The following IQGAP3 variants were observed in gnomAD, a reference collection of about 807,000 sequenced individuals.
The protein encoded by IQGAP3 is ras GTPase-activating-like protein IQGAP3.
In IQGAP3, 165 loss-of-function variants were observed where a neutral mutation model predicts 208.2. That is an observed-to-expected ratio of 0.79 (90% confidence interval 0.70 to 0.90). IQGAP3 has a LOEUF of 0.90. Among genes scored for constraint, IQGAP3 ranks in the 40% least tolerant of loss-of-function variants. IQGAP3 has a pLI of 0.00. For missense variants in IQGAP3, 1,811 were observed against 2,043.1 expected (o/e 0.89, Z 2.19); for synonymous variants, 703 against 803.6 (o/e 0.87, Z 2.12).
rs1391470130 is a variant in IQGAP3 at position 156,535,234 on chromosome 1, A to G, written c.3436T>C (p.Tyr1146His). 14 of 1,611,988 alleles carry G rather than the reference A, an allele frequency of 8.7e-6. No individual in the cohort carries two copies. The Admixed American group carries it at 2.2e-4, about 25-fold the overall frequency. The change falls in exon 28 of 38, where the codon TAT (tyrosine) becomes CAT (histidine). Residue 1146 changes from tyrosine to histidine, a missense_variant. Tyr to His is a moderately conservative substitution (Grantham distance 83, BLOSUM62 2). Coordinates refer to ENST00000361170, the MANE Select transcript of IQGAP3 (RefSeq NM_178229.5). ...GTTGCCTTCAGGACTTTGGCCACATATCGCATCCCATACCTGGGGACAAAG... is the reference window on the plus strand; with the variant it reads ...GTTGCCTTCAGGACTTTGGCCACATGTCGCATCCCATACCTGGGGACAAAG... The part of the protein sequence containing the change: ...SVDQIPYGMR[Y>H]VAKVLKATLA...
chr1:156,544,207 C>T lies in IQGAP3; in HGVS notation c.2405G>A (p.Arg802Gln), dbSNP rs560536788. 91 of 1,614,118 alleles carry T rather than the reference C, an allele frequency of 5.6e-5. 1 individual carries two copies. In the South Asian group the frequency reaches 5.8e-4, roughly 10 times the overall value. The change falls in exon 21 of 38, where the codon CGG (arginine) becomes CAG (glutamine). Residue 802 changes from arginine to glutamine, a missense_variant. Physicochemically the swap from Arg to Gln is conservative, Grantham distance 43 (BLOSUM62 1). Transcript: ENST00000361170. ...DAIIKIQAWA[R>Q]MWAARRQYLR... is the part of the protein sequence containing the mutation. ...GTATTGCCTCCGAGCTGCCCACATC[C>T]GGGCCCAGGCCTGGATCTGGGAGAA...
intron 22 of IQGAP3, among the ~76,000 whole-genome samples, chr1:156,542,526 G>T (rs2102387418): frequency 6.6e-6 from 1 of 152,260 alleles, no homozygotes; most frequent in African/African-American, 2.4e-5. Context: ...AAGGGTAGAG[G>T]CCAAGACAAT....
In IQGAP3 at chr1:156,548,661, G is replaced by C. The variant is rs200872033; in HGVS notation, c.1913C>G (p.Ala638Gly). 2.5e-6 allele frequency: 4 copies of C among 1,612,376 alleles called. No homozygotes were observed. In the South Asian group the frequency reaches 4.4e-5, roughly 18 times the overall value. The change falls in exon 17 of 38, where the codon GCC becomes GGC. Residue 638 changes from alanine (A) to glycine (G), a missense_variant. Physicochemically the swap from Ala to Gly is moderately conservative, Grantham distance 60. Transcript: ENST00000361170. Reference sequence around the variant, plus strand: ...ACAGTCGGGAACTACCCCTCGAAGGGCCACTGCGGGGTTCCTCAACACCCG... The same window carrying C: ...ACAGTCGGGAACTACCCCTCGAAGGCCCACTGCGGGGTTCCTCAACACCCG... ...TERVLRNPAV[A>G]LRGVVPDCAN...
intron 34 of IQGAP3, 70 bp downstream of exon 34, chr1:156,530,035 T>G (rs922660390): frequency 1.6e-6 from 2 of 1,271,386 alleles, no homozygotes; most frequent in Non-Finnish European, 1.1e-6. Flanking sequence ...ACACTATGGA[T>G]TAACATGTAT....
intron 13 of IQGAP3, 93 bp from the exon 14 acceptor site, chr1:156,552,188 C>A: frequency 7.0e-7 from 1 of 1,438,660 alleles, no homozygotes; most frequent in South Asian, 1.3e-5. Context: ...TTCACTTGAC[C>A]TCCAGGACAC....
chr1:156,539,891 T>G lies in IQGAP3; in HGVS notation c.2839A>C (p.Lys947Gln), dbSNP rs770281482. 3.1e-6 allele frequency: 5 copies of G among 1,614,066 alleles called. No homozygotes were observed. In the African/African-American group the frequency reaches 6.7e-5, roughly 22 times the overall value. Residue 947 changes from lysine (K) to glutamine (Q), a missense_variant, in exon 24 of 38, where the codon AAA (lysine) becomes CAA (glutamine). Coordinates refer to ENST00000361170, the MANE Select transcript of IQGAP3 (RefSeq NM_178229.5). ...DKQKGLKSLS[K>Q]EKRQKLEAYQ... ...GCTTCTAGTTTCTGCCGTTTCTCTT[T>G]GCTCAGCGACTTTAAACCCTTCTGC...
At position 156,550,270 on chromosome 1, in the gene IQGAP3, C is replaced by T. The variant is rs1299231398; in HGVS notation, c.1816G>A (p.Ala606Thr). ...CAACCAGTCCATTTACTTCTCTGAG[C>T]TGTATTAGTGTCCTGGTTGGCTCTG... ...VVRANQDTNT[A>T]QRMALGVAAI... is the part of the protein sequence containing the mutation. The change falls in exon 16 of 38, where the codon GCT becomes ACT. Residue 606 changes from alanine (A) to threonine (T), a missense_variant. Coordinates refer to ENST00000361170, the MANE Select transcript of IQGAP3 (RefSeq NM_178229.5). 6.2e-7 allele frequency: 1 copy of T among 1,611,252 alleles called. No homozygotes were observed. Among genetic ancestry groups the T allele is most frequent in the Non-Finnish European group, 8.5e-7 (1 of 1,177,762 alleles).
Position 156,566,066 on chromosome 1 carries a change from G to A in IQGAP3, c.321C>T (p.Asn107=), listed in dbSNP as rs757337568. The change falls in exon 4 of 38, where the codon AAC becomes AAT. Residue 107 remains asparagine, a synonymous_variant. Transcript: ENST00000361170. ...GLHFRHTDNI[N]FWLSAIAHIG... ...TGTGGGCTATTGCAGATAGCCAAAA[G>A]TTGATGTTGTCTGTGTGACGGAAAT... 64 of 1,613,836 alleles carry A rather than the reference G, an allele frequency of 4.0e-5. No homozygotes were observed. Among genetic ancestry groups the A allele is most frequent in the Non-Finnish European group, 5.4e-5 (64 of 1,179,876 alleles).
In IQGAP3 at chr1:156,533,989, TC is replaced by T. The variant is rs1297927410; in HGVS notation, c.3873+19del. 5.6e-6 allele frequency: 9 copies of T among 1,612,958 alleles called. No homozygotes were observed. In the African/African-American group the frequency reaches 1.2e-4, roughly 22 times the overall value. ...ACCCTTGCCCACCCAGCCAACACCC[TC>T]CAGATCTCAGCCCCTCACCCTGTGC... On this transcript the variant is annotated intron_variant, in intron 30 of 37. Transcript: ENST00000361170.
At position 156,531,294 on chromosome 1, in the gene IQGAP3, G is replaced by A. The variant is rs1423385428; in HGVS notation, c.4104-47C>T. On this transcript the variant is annotated intron_variant, in intron 32 of 37. Transcript: ENST00000361170. ...AGAGGAGAGGTAAGGGGCAGGGGAA[G>A]GGCCTGGACATGGGACTGGCCAGAG... is the stretch of plus-strand genomic sequence containing the variant. 8 of 1,463,456 alleles carry A rather than the reference G, an allele frequency of 5.5e-6. 1 individual carries two copies. Among genetic ancestry groups the A allele is most frequent in the Non-Finnish European group, 4.8e-6 (5 of 1,043,412 alleles). The allele number at this position is 1,463,456 out of a possible 1,614,324, so 90.7% of individuals were successfully genotyped here. A position where few individuals can be genotyped will look rare whatever the true frequency, so the allele number is the denominator to read the frequency against.
chr1:156,531,248 C>T lies in IQGAP3; in HGVS notation c.4104-1G>A, dbSNP rs1433823268. On this transcript the variant is annotated splice_acceptor_variant, in intron 32 of 37. Transcript: ENST00000361170. LOFTEE classifies it high-confidence loss of function. Reference sequence around the variant, plus strand: ...GATATCGGCCAACAGCTGCTTGGTGCTGCACAAGGAGGACAGTGACAGAGG... The same window carrying T: ...GATATCGGCCAACAGCTGCTTGGTGTTGCACAAGGAGGACAGTGACAGAGG... The T allele has an allele frequency of 6.2e-7, 1 of 1,612,610 alleles. No homozygotes were observed. Among genetic ancestry groups the T allele is most frequent in the Admixed American group, 1.7e-5 (1 of 59,992 alleles).
Position 156,534,685 on chromosome 1 carries a change from C to T in IQGAP3, c.3556G>A (p.Ala1186Thr), listed in dbSNP as rs1044631921. 4.3e-6 allele frequency: 7 copies of T among 1,609,462 alleles called. No individual in the cohort carries two copies. Among genetic ancestry groups the T allele is most frequent in the Non-Finnish European group, 5.9e-6 (7 of 1,178,596 alleles). Residue 1186 changes from alanine to threonine, a missense_variant, in exon 29 of 38, where the codon GCT becomes ACT. Ala to Thr is a moderately conservative substitution (Grantham distance 58). Coordinates refer to ENST00000361170, the MANE Select transcript of IQGAP3 (RefSeq NM_178229.5). ...GCCACAATGTCGAAGGCGTCAGGAG[C>T]CACCACAGCTGGGTTCAGGAAGCGG... is the stretch of plus-strand genomic sequence containing the variant. ...YYRFLNPAVV[A>T]PDAFDIVAMA...
chr1:156,566,714 C>T (rs1337873779), intron 2 of IQGAP3, among the ~76,000 whole-genome samples, 168 bp from the exon 3 acceptor site: 1 of 152,104 alleles, frequency 6.6e-6, no homozygotes, highest in African/African-American at 2.4e-5. Context: ...TGGCTGTTCC[C>T]ACCTTCTCCT....
chr1:156,533,978 AG>A, intron 30 of IQGAP3, 30 bp downstream of exon 30: 1 of 1,612,406 alleles, frequency 6.2e-7, no homozygotes, highest in East Asian at 2.2e-5. Flanking sequence ...TTGCCCACCC[AG>A]CCAACACCCT....
At chr1:156,547,313 C>G (rs1003712941) in intron 19 of IQGAP3, among the ~76,000 whole-genome samples, 5 of 152,048 alleles carry the variant, frequency 3.3e-5, no homozygotes, top group Non-Finnish European at 7.4e-5. Flanking sequence ...TAACCACCAC[C>G]ACTTCTTCGA....
chr1:156,563,950 G>A, intron 5 of IQGAP3, 126 bp from the exon 6 acceptor site: 1 of 683,520 alleles, frequency 1.5e-6, no homozygotes, highest in Non-Finnish European at 2.5e-6. Flanking sequence ...CTGCCCTCAA[G>A]TCATCCCCAA....
intron 22 of IQGAP3, among the ~76,000 whole-genome samples, 194 bp downstream of exon 22, chr1:156,543,787 C>T (rs80101461): frequency 1.3e-5 from 2 of 152,008 alleles, no homozygotes; most frequent in Non-Finnish European, 2.9e-5. Flanking sequence ...AGAACTTTCA[C>T]GTGACAAGGC....
At chr1:156,533,697 A>G (rs779767526) in intron 31 of IQGAP3, 76 bp downstream of exon 31, 8 of 1,222,236 alleles carry the variant, frequency 6.5e-6, no homozygotes, top group South Asian at 1.3e-5. Context: ...GCACGCTCAC[A>G]TGCCCTGCCT....
rs1485219399 is a variant in IQGAP3 at position 156,537,345 on chromosome 1, G to A, written c.3282-24C>T. ...GGCTATGAGCAGAGAGAGACAAGGT[G>A]TAAGCAGGAGCCCCCTCCAATGGCC... On this transcript the variant is annotated intron_variant, in intron 26 of 37. Coordinates refer to ENST00000361170, the MANE Select transcript of IQGAP3 (RefSeq NM_178229.5). 3.1e-6 allele frequency: 5 copies of A among 1,590,736 alleles called. No individual in the cohort carries two copies. In the African/African-American group the frequency reaches 4.1e-5, roughly 13 times the overall value.
Sources: allele counts gnomAD v4.1 joint callset (sites outside exome capture counted in the v4.1 genomes callset), GRCh38; gene constraint gnomAD v4.1.1; transcripts MANE v1.5; gene names NCBI Gene and HGNC (gene_info 2026-07-23, HGNC 2026-07-21).